KCNN2: variants seen among roughly 807,000 people sequenced by gnomAD.
The protein encoded by KCNN2 is small conductance calcium-activated potassium channel protein 2.
Under a neutral mutation model 55.5 loss-of-function variants are expected in KCNN2, and 24 were observed. The ratio of observed to expected loss-of-function variants is 0.43; its 90% CI spans 0.31 to 0.61. The LOEUF (loss-of-function observed/expected upper bound fraction) is 0.61, where lower values mean the gene tolerates loss of function less well. Ranked by LOEUF, KCNN2 falls within the 20% of genes least tolerant of loss-of-function variation. The pLI is 0.08. For missense variants in KCNN2, 754 were observed against 853.6 expected (o/e 0.88, Z 1.45); for synonymous variants, 431 against 336.1 (o/e 1.28, Z -3.09).
intron 2 of KCNN2, among the ~76,000 whole-genome samples, chr5:114,348,176 G>A (rs887859979): frequency 9.3e-5 from 14 of 150,972 alleles, no homozygotes; most frequent in African/African-American, 3.4e-4. Context: ...CAAAAGGCTC[G>A]GTCTCATGAT....
At chr5:114,324,236 C>T (rs1248392161) in intron 2 of KCNN2, among the ~76,000 whole-genome samples, 1 of 152,156 alleles carries the variant, frequency 6.6e-6, no homozygotes, top group African/African-American at 2.4e-5. Context: ...ATAATGGGCT[C>T]CCCCTTGTCC....
chr5:114,207,513 T>A (rs2112578481), intron 1 of KCNN2, among the ~76,000 whole-genome samples: 1 of 152,326 alleles, frequency 6.6e-6, no homozygotes, highest in South Asian at 2.1e-4. Context: ...ACCTGTAAAT[T>A]TTCAGTAGAT....
At chr5:114,134,601 G>A (rs964574360) in intron 1 of KCNN2, among the ~76,000 whole-genome samples, 9 of 151,650 alleles carry the variant, frequency 5.9e-5, no homozygotes, top group Non-Finnish European at 5.9e-5. Flanking sequence ...TAAGCCTCCC[G>A]AATAGCTGGG....
At chr5:114,132,229 G>A (rs146726320) in intron 1 of KCNN2, among the ~76,000 whole-genome samples, 4,659 of 152,246 alleles carry the variant, frequency 0.031, 246 homozygotes, top group African/African-American at 0.11. Context: ...GAATGGTAGT[G>A]CCTAGATTTT....
At chr5:114,329,374 T>TAATC (rs929587442) in intron 2 of KCNN2, among the ~76,000 whole-genome samples, 2 of 152,192 alleles carry the variant, frequency 1.3e-5, no homozygotes, top group African/African-American at 4.8e-5. Flanking sequence ...GGGCATCATC[T>TAATC]AATCAGCTGC....
At chr5:114,349,116 T>G (rs1319382412) in intron 2 of KCNN2, among the ~76,000 whole-genome samples, 1 of 152,162 alleles carries the variant, frequency 6.6e-6, no homozygotes, top group Non-Finnish European at 1.5e-5. Context: ...ACATTTTATC[T>G]TTAGCTTTGC....
intron 2 of KCNN2, among the ~76,000 whole-genome samples, chr5:114,315,667 T>C (rs1489697481): frequency 6.6e-6 from 1 of 152,162 alleles, no homozygotes; most frequent in African/African-American, 2.4e-5. Flanking sequence ...CAGATTTCTT[T>C]ATTTTGTTGG....
chr5:114,220,865 C>T (rs1227304485), intron 1 of KCNN2, among the ~76,000 whole-genome samples: 1 of 149,634 alleles, frequency 6.7e-6, no homozygotes, highest in Non-Finnish European at 1.5e-5. Context: ...AAGTTAAAGA[C>T]TCAGATCAGA....
At chr5:114,097,293 T>C (rs2721306) in intron 1 of KCNN2, among the ~76,000 whole-genome samples, 90,940 of 152,088 alleles carry the variant, frequency 0.6, 27,304 homozygotes, top group East Asian at 0.67. Flanking sequence ...CAATTTCATT[T>C]TGTTCGGATT....
At chr5:114,068,882 C>T (rs902022759) in intron 1 of KCNN2, among the ~76,000 whole-genome samples, 4 of 151,912 alleles carry the variant, frequency 2.6e-5, no homozygotes, top group African/African-American at 7.3e-5. Context: ...GGTGGGATCT[C>T]AGCTCACTGG....
At chr5:114,199,621 T>TTA (rs1554074385) in intron 1 of KCNN2, among the ~76,000 whole-genome samples, 1 of 151,820 alleles carries the variant, frequency 6.6e-6, no homozygotes, top group Non-Finnish European at 1.5e-5. Context: ...TATTTTTTTT[T>TTA]ATGTGGCTTT....
At chr5:114,485,421 T>C (rs932886951) in intron 5 of KCNN2, among the ~76,000 whole-genome samples, 2 of 152,142 alleles carry the variant, frequency 1.3e-5, no homozygotes, top group Non-Finnish European at 2.9e-5. Flanking sequence ...TCCTCTCTCC[T>C]TAAAAGCAAG....
At chr5:114,461,766 G>T (rs1421924705) in intron 3 of KCNN2, among the ~76,000 whole-genome samples, 1 of 151,912 alleles carries the variant, frequency 6.6e-6, no homozygotes, top group African/African-American at 2.4e-5. Flanking sequence ...CCATGGTCCA[G>T]TGTAGGTTGC....
intron 2 of KCNN2, among the ~76,000 whole-genome samples, chr5:114,229,290 T>TA (rs977264768): frequency 1.9e-4 from 28 of 149,524 alleles, no homozygotes; most frequent in East Asian, 1.6e-3. Flanking sequence ...AGATCCCTGC[T>TA]TTTTTTTTTT....
chr5:114,101,823 C>A (rs1193684530), intron 1 of KCNN2, among the ~76,000 whole-genome samples: 2 of 152,082 alleles, frequency 1.3e-5, no homozygotes, highest in East Asian at 1.9e-4. Flanking sequence ...TTTCTTTAAC[C>A]AGTCTATCAT....
intron 1 of KCNN2, among the ~76,000 whole-genome samples, chr5:114,061,555 T>C (rs1750331846): frequency 6.6e-6 from 1 of 152,112 alleles, no homozygotes; most frequent in Non-Finnish European, 1.5e-5. Flanking sequence ...TTGTACACTG[T>C]TCCCATTCAG....
chr5:114,475,121 C>T (rs1181552185), intron 5 of KCNN2, among the ~76,000 whole-genome samples: 1 of 152,060 alleles, frequency 6.6e-6, no homozygotes, highest in Admixed American at 6.5e-5. Context: ...ACAAAATTTA[C>T]AGTATCACAC....
At chr5:114,278,297 T>TG (rs1755535079) in intron 2 of KCNN2, among the ~76,000 whole-genome samples, 1 of 152,132 alleles carries the variant, frequency 6.6e-6, no homozygotes, top group Admixed American at 6.5e-5. Context: ...TCAGGCTACA[T>TG]GGGGGTCAGG....
At chr5:114,173,763 G>A (rs1271533068) in intron 1 of KCNN2, among the ~76,000 whole-genome samples, 2 of 151,286 alleles carry the variant, frequency 1.3e-5, no homozygotes, top group Admixed American at 6.6e-5. Context: ...AACATTTGAT[G>A]TTATAGAATA....
Sources: gnomAD v4.1 joint callset for allele counts (sites outside exome capture counted in the v4.1 genomes callset) on GRCh38, gnomAD v4.1.1 for gene constraint, MANE v1.5 for transcripts, NCBI Gene and HGNC (gene_info 2026-07-23, HGNC 2026-07-21) for gene names.